The following RALGAPA2 variants were observed in gnomAD, a reference collection of about 807,000 sequenced individuals.
RALGAPA2 encodes the protein ral GTPase-activating protein subunit alpha-2.
A neutral mutation model predicts 230.4 loss-of-function variants in RALGAPA2; 139 were observed. That is an observed-to-expected ratio of 0.60 (90% CI 0.53 to 0.69). The LOEUF is 0.69. Among genes scored for constraint, RALGAPA2 ranks in the 30% least tolerant of loss-of-function variants. The pLI is 0.00. For synonymous variants in RALGAPA2, 847 were observed against 837.8 expected, an observed-to-expected ratio of 1.01 and a Z score of -0.19; for missense variants, 2,163 against 2,276.0, an observed-to-expected ratio of 0.95 and a Z score of 1.01.
intron 2 of RALGAPA2, among the ~76,000 whole-genome samples, chr20:20,678,717 T>C (rs995925157): frequency 1.4e-4 from 21 of 152,220 alleles, no homozygotes; most frequent in African/African-American, 4.8e-4. Context: ...TGAGATACAA[T>C]CTGTGTCTTC....
intron 9 of RALGAPA2, 23 bp downstream of exon 9, chr20:20,635,395 T>A: frequency 1.3e-6 from 2 of 1,562,840 alleles, no homozygotes; most frequent in Non-Finnish European, 1.7e-6. Flanking sequence ...CATTAACAGA[T>A]AAAAAGATGA....
chr20:20,675,697 C>T lies in RALGAPA2; in HGVS notation c.270+539G>A, dbSNP rs536269253. Among the ~76,000 whole-genome samples, 177 of 152,132 alleles carry T rather than the reference C, an allele frequency of 1.2e-3. 1 individual carries two copies. Among genetic ancestry groups the T allele is most frequent in the African/African-American group, 4.2e-3 (174 of 41,488 alleles). On this transcript the variant is annotated intron_variant, in intron 3 of 39. Coordinates refer to ENST00000202677, the MANE Select transcript of RALGAPA2 (RefSeq NM_020343.4). ...CAACTTTGAAGATATGATCAATGCA[C>T]ACAGATATACAGATGCATAAAGATC...
chr20:20,615,537 TCAAA>T (rs1456340765), intron 13 of RALGAPA2, among the ~76,000 whole-genome samples: 3 of 152,094 alleles, frequency 2.0e-5, no homozygotes, highest in East Asian at 3.8e-4. Flanking sequence ...AATAAAAACA[TCAAA>T]CAAAAACAAA....
At chr20:20,493,072 C>T (rs999731943) in intron 36 of RALGAPA2, among the ~76,000 whole-genome samples, 1 of 152,174 alleles carries the variant, frequency 6.6e-6, no homozygotes, top group African/African-American at 2.4e-5. Context: ...ATATAAAAGG[C>T]CAAATGTTGC....
At chr20:20,444,261 A>G (rs1474549903) in intron 37 of RALGAPA2, among the ~76,000 whole-genome samples, 2 of 152,282 alleles carry the variant, frequency 1.3e-5, no homozygotes, top group East Asian at 1.9e-4. Flanking sequence ...AAGGAATGCA[A>G]ATTCACGGCT....
chr20:20,423,027 TGA>T (rs2060310194), intron 37 of RALGAPA2, among the ~76,000 whole-genome samples: 1 of 152,084 alleles, frequency 6.6e-6, no homozygotes, highest in Non-Finnish European at 1.5e-5. Flanking sequence ...GATCTATGCC[TGA>T]GAGATAATGG....
At chr20:20,563,844 T>C (rs1205605220) in intron 23 of RALGAPA2, among the ~76,000 whole-genome samples, 6 of 151,560 alleles carry the variant, frequency 4.0e-5, no homozygotes, top group African/African-American at 7.3e-5. Context: ...CACACACACA[T>C]GCACAAAACA....
At chr20:20,615,293 T>G (rs1387589189) in intron 13 of RALGAPA2, among the ~76,000 whole-genome samples, 1 of 151,902 alleles carries the variant, frequency 6.6e-6, no homozygotes, top group Non-Finnish European at 1.5e-5. Flanking sequence ...CCCGAGTAGC[T>G]GGGATCACAG....
chr20:20,409,669 T>C (rs1239883661), intron 38 of RALGAPA2, among the ~76,000 whole-genome samples: 1 of 152,154 alleles, frequency 6.6e-6, no homozygotes, highest in Non-Finnish European at 1.5e-5. Context: ...ATGACAAATG[T>C]TTTCATCTGT....
intron 23 of RALGAPA2, among the ~76,000 whole-genome samples, chr20:20,564,904 T>C (rs895978346): frequency 6.6e-6 from 1 of 152,256 alleles, no homozygotes; most frequent in African/African-American, 2.4e-5. Flanking sequence ...AGTCCTATTT[T>C]TACTTGTTGT....
chr20:20,673,864 C>A (rs902688834), intron 3 of RALGAPA2, among the ~76,000 whole-genome samples: 2 of 152,116 alleles, frequency 1.3e-5, no homozygotes, highest in Non-Finnish European at 2.9e-5. Flanking sequence ...CCAACCTCAG[C>A]TGTGAACAGA....
chr20:20,500,229 C>A (rs2062334198), intron 35 of RALGAPA2, among the ~76,000 whole-genome samples: 1 of 151,998 alleles, frequency 6.6e-6, no homozygotes, highest in South Asian at 2.1e-4. Flanking sequence ...AATGAAATTG[C>A]CACATTGATT....
At chr20:20,614,918 T>A (rs930976769) in intron 13 of RALGAPA2, among the ~76,000 whole-genome samples, 8 of 152,102 alleles carry the variant, frequency 5.3e-5, no homozygotes, top group African/African-American at 1.9e-4. Flanking sequence ...CAAGGACTGA[T>A]AACCAAGGCA....
At chr20:20,693,960 G>A (rs981594931) in intron 1 of RALGAPA2, among the ~76,000 whole-genome samples, 3 of 152,102 alleles carry the variant, frequency 2.0e-5, no homozygotes, top group East Asian at 1.9e-4. Flanking sequence ...AAAGGTTAGC[G>A]GGACATGGTG....
chr20:20,549,093 A>G (rs2063851428), intron 23 of RALGAPA2, among the ~76,000 whole-genome samples: 6 of 152,232 alleles, frequency 3.9e-5, no homozygotes, highest in Admixed American at 3.9e-4. Flanking sequence ...CTTGAATCAA[A>G]TAAGCCCCTT....
intron 39 of RALGAPA2, among the ~76,000 whole-genome samples, chr20:20,395,871 C>G (rs1485573294): frequency 6.6e-6 from 1 of 152,258 alleles, no homozygotes; most frequent in Admixed American, 6.5e-5. Flanking sequence ...GCCTTGCATT[C>G]CACTGTGGGC....
intron 39 of RALGAPA2, among the ~76,000 whole-genome samples, chr20:20,395,139 G>T (rs2059684746): frequency 6.6e-6 from 1 of 152,216 alleles, no homozygotes; most frequent in Non-Finnish European, 1.5e-5. Flanking sequence ...AGAGAAGGGG[G>T]CCTGTGCACC....
At chr20:20,629,643 C>T in intron 9 of RALGAPA2, 53 bp from the exon 10 acceptor site, 1 of 1,566,374 alleles carries the variant, frequency 6.4e-7, no homozygotes, top group Non-Finnish European at 8.8e-7. Flanking sequence ...CTCAAGAACA[C>T]CTGGCAAAAC....
chr20:20,423,623 A>G (rs758559329), intron 37 of RALGAPA2, among the ~76,000 whole-genome samples: 1 of 152,208 alleles, frequency 6.6e-6, no homozygotes, highest in Non-Finnish European at 1.5e-5. Context: ...CAAGACAGGA[A>G]CAGATGCCAG....
Sources: allele counts gnomAD v4.1 joint callset (sites outside exome capture counted in the v4.1 genomes callset), GRCh38; gene constraint gnomAD v4.1.1; transcripts MANE v1.5; gene names NCBI Gene and HGNC (gene_info 2026-07-23, HGNC 2026-07-21).